The following LHX6 variants were observed in gnomAD, a reference collection of about 807,000 sequenced individuals.
LHX6 encodes the protein LIM homeobox 6, also known as LIM/homeobox protein Lhx6.
Under a neutral mutation model 47.1 loss-of-function variants are expected in LHX6, and 15 were observed. The observed-to-expected ratio is 0.32, with a 90% CI of 0.21 to 0.49. The LOEUF (loss-of-function observed/expected upper bound fraction) is 0.49, where lower values mean the gene tolerates loss of function less well. Among genes scored for constraint, LHX6 ranks in the 20% least tolerant of loss-of-function variants. LHX6 has a pLI of 0.99. For missense variants in LHX6, 404 were observed against 539.6 expected, an observed-to-expected ratio of 0.75 and a Z score of 2.49; for synonymous variants, 242 against 233.5, an observed-to-expected ratio of 1.04 and a Z score of -0.33.
Position 122,227,499 on chromosome 9 carries a change from G to GGGCA in LHX6, c.85-20_85-19insTGCC. ...CCATCACCTGGGGGAGGGGGGGAGG[G>GGGCA]AACGCAGGCGGCGGCGGCTGCTGAA... On this transcript the variant is annotated intron_variant, in intron 1 of 9. Coordinates refer to ENST00000394319, the MANE Select transcript of LHX6 (RefSeq NM_014368.5). 1.5e-6 allele frequency: 1 copy of GGGCA among 656,302 alleles called. No homozygotes were observed. The allele number at this position is 656,302 out of a possible 1,614,324, so 40.7% of individuals were successfully genotyped here.
chr9:122,210,075 C>T (rs1000110021), intron 8 of LHX6, among the ~76,000 whole-genome samples: 1 of 152,112 alleles, frequency 6.6e-6, no homozygotes, highest in Non-Finnish European at 1.5e-5. Context: ...GGGGTTTCAC[C>T]GTGTTAGCCA....
rs749855769 is a variant in LHX6, at chr9:122,214,007, C to A, written c.846G>T (p.Ala282=). ...NPDAQTLQKL[A]DMTGLSRRVI... is the part of the protein sequence containing the mutation. ...CTCTCCGGCTGAGGCCCGTCATGTC[C>A]GCCAGCTTCTGCAGCGTCTGAGCGT... Residue 282 remains alanine, a synonymous_variant, in exon 7 of 10, where the codon GCG becomes GCT. Coordinates refer to ENST00000394319, the MANE Select transcript of LHX6 (RefSeq NM_014368.5). This position sits in a 1 kb window ranked among gnomAD's most constrained non-coding sequence, Gnocchi z 4.6. The A allele has an allele frequency of 1.2e-6, 2 of 1,602,044 alleles. No homozygotes were observed. The highest frequency in any genetic ancestry group is 1.7e-6 in the Non-Finnish European group (2 of 1,179,506).
rs543509238 is a variant in LHX6, at chr9:122,217,485, T to C, written c.462-197A>G. Among the ~76,000 whole-genome samples, 12 of 152,388 alleles carry C rather than the reference T, an allele frequency of 7.9e-5. No individual in the cohort carries two copies. In the East Asian group the frequency reaches 1.9e-3, roughly 24 times the overall value. ...ATGAACTGGTGGGTGATTTTTATTT[T>C]CTTCTTGGTGTTTTTCTGAATTTTC... On this transcript the variant is annotated intron_variant, in intron 4 of 9. Transcript: ENST00000394319. The surrounding 1 kb of genome is among the most constrained non-coding windows in gnomAD (Gnocchi z 4.9).
At position 122,204,613 on chromosome 9, in the gene LHX6, C is replaced by T. The variant is rs946871638; in HGVS notation, c.*147G>A. 20 of 910,602 alleles carry T rather than the reference C, an allele frequency of 2.2e-5. No homozygotes were observed. Among genetic ancestry groups the T allele is most frequent in the African/African-American group, 2.2e-4 (13 of 59,462 alleles). The allele number at this position is 910,602 out of a possible 1,614,324, so 56.4% of individuals were successfully genotyped here. ...AGCAGGAGAGGGAAAGGCCAGGCCT[C>T]GGGAACCGACCTGGTGGTGGGCAGG... On this transcript the variant is annotated 3_prime_UTR_variant, in exon 10 of 10. Transcript: ENST00000394319.
chr9:122,213,096 C>A lies in LHX6; in HGVS notation c.1054+510G>T, dbSNP rs1434985285. 6.6e-6 allele frequency among the ~76,000 whole-genome samples: 1 copy of A among 151,916 alleles called. No individual in the cohort carries two copies. The highest frequency in any genetic ancestry group is 1.5e-5 in the Non-Finnish European group (1 of 67,974). ...GGCCAGGGCCTGCGTGCATTCCGTT[C>A]CCCCACTCCAGGTACCTCACTAAAT... On this transcript the variant is annotated intron_variant, in intron 8 of 9. Coordinates refer to ENST00000394319, the MANE Select transcript of LHX6 (RefSeq NM_014368.5). The surrounding 1 kb of genome is among the most constrained non-coding windows in gnomAD (Gnocchi z 5.5).
rs1564436663 is a variant in LHX6 at position 122,213,873 on chromosome 9, GAGA to G, written c.880-96_880-94del. 4.6e-6 allele frequency: 7 copies of G among 1,517,248 alleles called. No homozygotes were observed. Among genetic ancestry groups the G allele is most frequent in the African/African-American group, 2.7e-5 (2 of 73,014 alleles). 94.0% of individuals were successfully genotyped at this position (1,517,248 alleles called of 1,614,324 possible). A position where few individuals can be genotyped will look rare whatever the true frequency, so the allele number is the denominator to read the frequency against. On this transcript the variant is annotated intron_variant, in intron 7 of 9. Transcript: ENST00000394319. This position sits in a 1 kb window ranked among gnomAD's most constrained non-coding sequence, Gnocchi z 5.5. ...GGCGGGACTGCCTCGTCGCCTCCTG[GAGA>G]AGGATGGCCACGTGCACGCACCACC...
chr9:122,208,406 C>A (rs1262348809), intron 9 of LHX6, among the ~76,000 whole-genome samples: 1 of 152,208 alleles, frequency 6.6e-6, no homozygotes, highest in Non-Finnish European at 1.5e-5. Context: ...CTGCCTCCCC[C>A]TCCAGACTCT....
intron 8 of LHX6, among the ~76,000 whole-genome samples, chr9:122,212,737 C>T (rs1330942635): frequency 6.6e-6 from 1 of 152,012 alleles, no homozygotes; most frequent in Non-Finnish European, 1.5e-5. Flanking sequence ...GTACTCCCTG[C>T]CACGGACATG....
rs1588365363 is a variant in LHX6, at chr9:122,226,604, T to C, written c.340-107A>G. The C allele has an allele frequency of 1.2e-5, 18 of 1,466,642 alleles. No homozygotes were observed. In the South Asian group the frequency reaches 2.0e-4, roughly 17 times the overall value. The allele number at this position is 1,466,642 out of a possible 1,614,324, so 90.9% of individuals were successfully genotyped here. ...GTCAGAGGCGCTGAAGCTCAGAAGG[T>C]GCATGCGATTCCCCTATTTTTCTCC... On this transcript the variant is annotated intron_variant, in intron 3 of 9. Coordinates refer to ENST00000394319, the MANE Select transcript of LHX6 (RefSeq NM_014368.5). This position sits in a 1 kb window ranked among gnomAD's most constrained non-coding sequence, Gnocchi z 6.5.
At chr9:122,224,936 T>A (rs1055730289) in intron 4 of LHX6, among the ~76,000 whole-genome samples, 17 of 152,088 alleles carry the variant, frequency 1.1e-4, no homozygotes, top group Non-Finnish European at 2.1e-4. Flanking sequence ...TTGGTTGAGC[T>A]GCCCCCACCC....
chr9:122,228,251 G>A (rs1831192009), intron 1 of LHX6: 1 of 1,534,454 alleles, frequency 6.5e-7, no homozygotes, highest in Non-Finnish European at 8.7e-7. Flanking sequence ...AAAGAGAAAA[G>A]AGAGGCGCTC....
At chr9:122,227,102 C>T (rs112043881) in intron 2 of LHX6, 72 bp from the exon 3 acceptor site, 152 of 1,384,386 alleles carry the variant, frequency 1.1e-4, no homozygotes, top group Admixed American at 5.7e-4. Context: ...GGAGACAAAT[C>T]TGGGGCCCCC....
chr9:122,203,157 G>T lies in LHX6; in HGVS notation c.*1603C>A, dbSNP rs1208549133. ...TGTCTTTGGAAGGGAGAGGAAGCAG[G>T]TTCCCTTCTTAGGCTGCACCTGTGC... On this transcript the variant is annotated 3_prime_UTR_variant, in exon 10 of 10. Transcript: ENST00000394319. The T allele has an allele frequency of 5.9e-5, 9 of 152,676 alleles. No homozygotes were observed. Among genetic ancestry groups the T allele is most frequent in the Non-Finnish European group, 1.5e-5 (1 of 68,092 alleles). 9.5% of individuals were successfully genotyped at this position (152,676 alleles called of 1,614,324 possible). A position where few individuals can be genotyped will look rare whatever the true frequency, so the allele number is the denominator to read the frequency against.
At position 122,226,149 on chromosome 9, in the gene LHX6, A is replaced by C. The variant is rs1395786747; in HGVS notation, c.461+227T>G. The stretch of plus-strand genomic sequence containing the variant: ...CGATACCGAAACCCAATGGACCGCG[A>C]GGACCGAAGGCAGATCCGGGGCGCA... On this transcript the variant is annotated intron_variant, in intron 4 of 9. Transcript: ENST00000394319. The surrounding 1 kb of genome is among the most constrained non-coding windows in gnomAD (Gnocchi z 6.5). Among the ~76,000 whole-genome samples, 1 of 152,174 alleles carries C rather than the reference A, an allele frequency of 6.6e-6. No homozygotes were observed. The highest frequency in any genetic ancestry group is 1.5e-5 in the Non-Finnish European group (1 of 68,028).
Position 122,227,481 on chromosome 9 carries a change from CT to C in LHX6, c.85-2del. On this transcript the variant is annotated splice_acceptor_variant, in intron 1 of 9. Coordinates refer to ENST00000394319, the MANE Select transcript of LHX6 (RefSeq NM_014368.5). LOFTEE classifies it high-confidence loss of function. Reference sequence around the variant, plus strand: ...AGCCGGACCCTGGCTGGGCCATCACCTGGGGGAGGGGGGGAGGGAACGCAGG... The same window carrying C: ...AGCCGGACCCTGGCTGGGCCATCACCGGGGGAGGGGGGGAGGGAACGCAGG... The C allele has an allele frequency of 1.8e-6, 1 of 561,544 alleles. No individual in the cohort carries two copies. Among genetic ancestry groups the C allele is most frequent in the South Asian group, 1.5e-5 (1 of 65,342 alleles). 34.8% of individuals were successfully genotyped at this position (561,544 alleles called of 1,614,324 possible).
chr9:122,217,645 A>C lies in LHX6; in HGVS notation c.462-357T>G, dbSNP rs1830646532. Among the ~76,000 whole-genome samples the C allele has an allele frequency of 6.6e-6, 1 of 152,242 alleles. No homozygotes were observed. The highest frequency in any genetic ancestry group is 2.4e-5 in the African/African-American group (1 of 41,460). ...CTTACCACTTGCCCAGCAAGATTCT[A>C]ATTGTTTTACATTGATTATCCCAAT... On this transcript the variant is annotated intron_variant, in intron 4 of 9. Coordinates refer to ENST00000394319, the MANE Select transcript of LHX6 (RefSeq NM_014368.5). The surrounding 1 kb of genome is among the most constrained non-coding windows in gnomAD (Gnocchi z 4.9).
chr9:122,206,470 G>T (rs1289317430), intron 9 of LHX6, among the ~76,000 whole-genome samples: 1 of 152,218 alleles, frequency 6.6e-6, no homozygotes, highest in African/African-American at 2.4e-5. Context: ...GGAAAGGCCT[G>T]ACAGTGAGAG....
chr9:122,221,755 G>T, intron 4 of LHX6: 1 of 985,152 alleles, frequency 1.0e-6, no homozygotes, highest in Non-Finnish European at 1.2e-6. Flanking sequence ...AACACAGCGG[G>T]CGTGCCAACC....
Position 122,228,954 on chromosome 9 carries a change from C to T in LHX6, c.-214G>A, listed in dbSNP as rs180906199. The T allele has an allele frequency of 1.4e-3, 257 of 181,216 alleles. 4 individuals are homozygous for T. The East Asian group carries it at 0.036, about 25-fold the overall frequency. 11.2% of individuals were successfully genotyped at this position (181,216 alleles called of 1,614,324 possible). A position where few individuals can be genotyped will look rare whatever the true frequency, so the allele number is the denominator to read the frequency against. On this transcript the variant is annotated 5_prime_UTR_variant, in exon 1 of 10. Transcript: ENST00000394319. ...CCGCCGCTGCCTCGGAAGAAGGTCC[C>T]GACAAACTTGGAGAGGCCCCCGCCC...
Sources: allele counts gnomAD v4.1 joint callset (sites outside exome capture counted in the v4.1 genomes callset), GRCh38; gene constraint gnomAD v4.1.1; non-coding constraint Gnocchi (gnomAD v3.1); transcripts MANE v1.5; gene names NCBI Gene and HGNC (gene_info 2026-07-23, HGNC 2026-07-21).